Variants in LIN9 observed in about 807,000 individuals in gnomAD.
LIN9 encodes lin-9 DREAM MuvB core complex component.
In LIN9, 18 loss-of-function variants were observed where a neutral mutation model predicts 78.0. That is an observed-to-expected ratio of 0.23 (90% confidence interval 0.16 to 0.34). The LOEUF is 0.34. Among genes scored for constraint, LIN9 ranks in the 10% least tolerant of loss-of-function variants. The pLI, the probability that LIN9 is intolerant of heterozygous loss-of-function variation, is 1.00. For synonymous variants in LIN9, 192 were observed against 215.2 expected, an observed-to-expected ratio of 0.89 and a Z score of 0.94; for missense variants, 451 against 644.1, an observed-to-expected ratio of 0.70 and a Z score of 3.25.
At chr1:226,278,069 T>G in intron 6 of LIN9, 137 bp from the exon 7 acceptor site, 1 of 626,466 alleles carries the variant, frequency 1.6e-6, no homozygotes, top group South Asian at 2.2e-5. Context: ...CTTGGCTCAC[T>G]GCAACCTCCA....
At chr1:226,309,240 C>CCGCGGCGCCG (rs1663134684), upstream of LIN9, 3 of 1,364,706 alleles carry the variant, frequency 2.2e-6, no homozygotes, top group Non-Finnish European at 2.9e-6. Context: ...AGCTCGCTGC[C>CCGCGGCGCCG]CGCGGCGCCG....
chr1:226,295,673 G>A (rs758081762), intron 4 of LIN9, among the ~76,000 whole-genome samples, 169 bp downstream of exon 4: 8 of 151,936 alleles, frequency 5.3e-5, no homozygotes, highest in Non-Finnish European at 8.8e-5. Context: ...CTGTTTTAAA[G>A]TTGATCAAAA....
intron 11 of LIN9, among the ~76,000 whole-genome samples, chr1:226,250,119 G>A (rs1196422643): frequency 1.3e-5 from 2 of 150,848 alleles, no homozygotes; most frequent in Admixed American, 6.6e-5. Context: ...GCAGTGAGCC[G>A]AGATTGCACC....
intron 12 of LIN9, among the ~76,000 whole-genome samples, chr1:226,235,096 G>A (rs1044223110): frequency 3.3e-5 from 5 of 151,888 alleles, no homozygotes; most frequent in African/African-American, 1.2e-4. Context: ...ACTTTGGGAG[G>A]CCGAGGTGGG....
At chr1:226,239,881 T>A (rs1304382329) in intron 11 of LIN9, among the ~76,000 whole-genome samples, 1 of 152,236 alleles carries the variant, frequency 6.6e-6, no homozygotes, top group African/African-American at 2.4e-5. Flanking sequence ...ATGCTGGCAA[T>A]GAAACCTCTC....
At chr1:226,275,498 A>T (rs1001593685) in intron 7 of LIN9, among the ~76,000 whole-genome samples, 3 of 151,784 alleles carry the variant, frequency 2.0e-5, no homozygotes, top group Non-Finnish European at 4.4e-5. Flanking sequence ...GTTCGAGACC[A>T]GCCTGACCAA....
At chr1:226,309,242 G>C, upstream of LIN9, 2 of 1,360,292 alleles carry the variant, frequency 1.5e-6, no homozygotes, top group Non-Finnish European at 1.9e-6. Flanking sequence ...CTCGCTGCCC[G>C]CGGCGCCGCG....
intron 14 of LIN9, 155 bp downstream of exon 14, chr1:226,232,941 G>A: frequency 3.7e-6 from 2 of 541,932 alleles, no homozygotes; most frequent in Non-Finnish European, 6.4e-6. Context: ...TTTCTATTCT[G>A]TCCATAGGCT....
chr1:226,250,638 G>C (rs569296574), intron 11 of LIN9, among the ~76,000 whole-genome samples: 1 of 152,286 alleles, frequency 6.6e-6, no homozygotes, highest in South Asian at 2.1e-4. Context: ...TGCAGTCTCT[G>C]ACTCTAGACT....
intron 2 of LIN9, among the ~76,000 whole-genome samples, chr1:226,300,547 T>C (rs1287763281): frequency 6.6e-6 from 1 of 151,890 alleles, no homozygotes; most frequent in Non-Finnish European, 1.5e-5. Context: ...CGAGACCCTG[T>C]CTCAAAAAAT....
At chr1:226,278,732 G>A (rs1224956001) in intron 6 of LIN9, among the ~76,000 whole-genome samples, 3 of 151,812 alleles carry the variant, frequency 2.0e-5, no homozygotes, top group African/African-American at 7.3e-5. Context: ...GCTGAGGCAG[G>A]GGAATCGCTT....
At chr1:226,288,857 C>T (rs530151197) in intron 4 of LIN9, among the ~76,000 whole-genome samples, 2 of 152,286 alleles carry the variant, frequency 1.3e-5, no homozygotes, top group South Asian at 2.1e-4. Context: ...TTAGTCCAAT[C>T]CCAGTCAAAA....
intron 12 of LIN9, among the ~76,000 whole-genome samples, chr1:226,236,957 T>C (rs762359504): frequency 1.6e-4 from 25 of 152,244 alleles, no homozygotes; most frequent in Non-Finnish European, 3.2e-4. Flanking sequence ...ATGAACATTC[T>C]AGTATATGTA....
chr1:226,305,384 T>C (rs535139059), intron 1 of LIN9, among the ~76,000 whole-genome samples: 3 of 141,486 alleles, frequency 2.1e-5, no homozygotes, highest in South Asian at 4.6e-4. Context: ...TCCCAGCTAC[T>C]GGGGAGACTG....
chr1:226,240,680 C>T (rs1193267967), intron 11 of LIN9, among the ~76,000 whole-genome samples: 5 of 151,924 alleles, frequency 3.3e-5, no homozygotes, highest in African/African-American at 9.7e-5. Flanking sequence ...TGAGCCACCG[C>T]GCCTGGCCTG....
chr1:226,235,740 GTTAGGTTCAT>G (rs1657661689), intron 12 of LIN9, among the ~76,000 whole-genome samples: 2 of 152,172 alleles, frequency 1.3e-5, no homozygotes, highest in African/African-American at 4.8e-5. Flanking sequence ...TTGAAATATA[GTTAGGTTCAT>G]TTATTTCTGT....
intron 12 of LIN9, among the ~76,000 whole-genome samples, chr1:226,238,306 A>G (rs1368859292): frequency 6.6e-6 from 1 of 152,138 alleles, no homozygotes; most frequent in Non-Finnish European, 1.5e-5. Flanking sequence ...CAAAAAAACA[A>G]CCAAAAAAGA....
At chr1:226,294,469 G>A (rs1662001230) in intron 4 of LIN9, among the ~76,000 whole-genome samples, 1 of 151,878 alleles carries the variant, frequency 6.6e-6, no homozygotes, top group South Asian at 2.1e-4. Context: ...CTACTCGGGA[G>A]GCTAAGGCAG....
In LIN9 at chr1:226,238,374, A is replaced by G. The variant is rs192564315; in HGVS notation, c.1245+597T>C. Among the ~76,000 whole-genome samples the G allele has an allele frequency of 7.9e-5, 12 of 152,288 alleles. No individual in the cohort carries two copies. In the East Asian group the frequency reaches 1.3e-3, roughly 17 times the overall value. On this transcript the variant is annotated intron_variant, in intron 12 of 14. Transcript: ENST00000681046. ...GGGCTGGGCACAGTGGCTCACACCT[A>G]TATCTCAGTACTTTGGAAGGCCAAG...
Sources: allele counts gnomAD v4.1 joint callset (sites outside exome capture counted in the v4.1 genomes callset), GRCh38; gene constraint gnomAD v4.1.1; transcripts MANE v1.5; gene names NCBI Gene and HGNC (gene_info 2026-07-23, HGNC 2026-07-21).